The following KLHL1 variants were observed in gnomAD, a reference collection of about 807,000 sequenced individuals.
KLHL1 encodes the protein kelch like family member 1, also known as kelch-like protein 1.
KLHL1 carries 47 observed loss-of-function variants against 77.7 expected under a neutral mutation model. That is an observed-to-expected ratio of 0.60 (90% CI 0.48 to 0.77). The LOEUF (loss-of-function observed/expected upper bound fraction) is 0.77. KLHL1 is among the 30% of genes least tolerant of loss of function. The pLI is 0.00. For missense variants in KLHL1, 925 were observed against 910.8 expected, an observed-to-expected ratio of 1.02 and a Z score of -0.20; for synonymous variants, 360 against 325.2, an observed-to-expected ratio of 1.11 and a Z score of -1.15.
chr13:69,771,281 A>G (rs569916596), intron 7 of KLHL1, among the ~76,000 whole-genome samples: 17,480 of 151,674 alleles, frequency 0.12, 1,181 homozygotes, highest in African/African-American at 0.19. Context: ...ACTTTCAAAA[A>G]AAAAAAAAAA....
chr13:70,004,521 C>CT (rs1300449136), intron 1 of KLHL1, among the ~76,000 whole-genome samples: 1 of 85,234 alleles, frequency 1.2e-5, no homozygotes, highest in Non-Finnish European at 3.4e-5. Flanking sequence ...CCTGCCATCC[C>CT]CCTGACTAGT....
At chr13:69,890,832 G>T (rs76767566) in intron 4 of KLHL1, among the ~76,000 whole-genome samples, 3,193 of 152,034 alleles carry the variant, frequency 0.021, 107 homozygotes, top group African/African-American at 0.072. Flanking sequence ...CTTTAGAAAT[G>T]ATAAAACAAC....
chr13:69,877,727 T>G (rs527482590), intron 5 of KLHL1, among the ~76,000 whole-genome samples: 4 of 152,152 alleles, frequency 2.6e-5, no homozygotes, highest in Non-Finnish European at 5.9e-5. Context: ...GTTATTATAT[T>G]TCAATAGAGG....
intron 7 of KLHL1, among the ~76,000 whole-genome samples, chr13:69,768,913 T>C (rs570556774): frequency 3.9e-4 from 60 of 152,306 alleles, no homozygotes; most frequent in African/African-American, 1.4e-3. Flanking sequence ...CGATTTATGA[T>C]TTTATACCAT....
At chr13:70,061,558 T>C (rs1271450470) in intron 1 of KLHL1, among the ~76,000 whole-genome samples, 2 of 152,170 alleles carry the variant, frequency 1.3e-5, no homozygotes, top group African/African-American at 4.8e-5. Context: ...CCTGAGTTAG[T>C]AGCCTTAAGT....
intron 9 of KLHL1, among the ~76,000 whole-genome samples, chr13:69,718,786 C>G (rs571406823): frequency 6.6e-6 from 1 of 152,040 alleles, no homozygotes; most frequent in Non-Finnish European, 1.5e-5. Flanking sequence ...CTTCTATGCA[C>G]CTGGTCAATT....
intron 7 of KLHL1, among the ~76,000 whole-genome samples, chr13:69,749,024 C>T (rs1301592101): frequency 6.6e-6 from 1 of 152,002 alleles, no homozygotes; most frequent in Non-Finnish European, 1.5e-5. Context: ...TATGCTTCCA[C>T]ATTATAAAGG....
intron 3 of KLHL1, among the ~76,000 whole-genome samples, chr13:69,949,302 T>C (rs148701801): frequency 0.01 from 1,551 of 151,886 alleles, 25 homozygotes; most frequent in African/African-American, 0.034. Context: ...AACTCTAGGC[T>C]GCGGAAGTTT....
At chr13:69,982,336 T>A (rs1481729215) in intron 1 of KLHL1, among the ~76,000 whole-genome samples, 2 of 151,192 alleles carry the variant, frequency 1.3e-5, no homozygotes, top group Admixed American at 1.3e-4. Flanking sequence ...ATTGGGAGAC[T>A]GAGACAGGAG....
At chr13:69,910,015 A>G (rs928631863) in intron 4 of KLHL1, among the ~76,000 whole-genome samples, 1 of 152,086 alleles carries the variant, frequency 6.6e-6, no homozygotes, top group African/African-American at 2.4e-5. Context: ...AGAAAAAAAT[A>G]ATTGTCATAT....
intron 3 of KLHL1, among the ~76,000 whole-genome samples, chr13:69,944,404 A>G (rs1464061311): frequency 6.6e-6 from 1 of 152,222 alleles, no homozygotes; most frequent in Non-Finnish European, 1.5e-5. Flanking sequence ...TTCGCCCCAT[A>G]GGTAGTTTAC....
At chr13:69,837,731 A>G (rs1879084777) in intron 6 of KLHL1, among the ~76,000 whole-genome samples, 1 of 149,336 alleles carries the variant, frequency 6.7e-6, no homozygotes, top group Non-Finnish European at 1.5e-5. Flanking sequence ...GTAAACATCA[A>G]AATCACCATC....
chr13:69,997,691 T>TATAA (rs1555289163), intron 1 of KLHL1, among the ~76,000 whole-genome samples: 3 of 147,438 alleles, frequency 2.0e-5, no homozygotes, highest in Non-Finnish European at 4.5e-5. Flanking sequence ...CTTATATATA[T>TATAA]AATATAAATA....
intron 7 of KLHL1, among the ~76,000 whole-genome samples, chr13:69,757,615 G>A (rs997188502): frequency 4.6e-5 from 7 of 152,124 alleles, no homozygotes; most frequent in Admixed American, 2.0e-4. Flanking sequence ...TTGATTTGGG[G>A]ATGGCTGTCA....
chr13:69,784,948 G>C (rs1487570091), intron 7 of KLHL1, among the ~76,000 whole-genome samples: 1 of 139,510 alleles, frequency 7.2e-6, no homozygotes, highest in Non-Finnish European at 1.5e-5. Context: ...GGAGTGCAGT[G>C]GTGGGATCTC....
At chr13:70,086,281 CA>C (rs71707367) in intron 1 of KLHL1, among the ~76,000 whole-genome samples, 39 of 145,562 alleles carry the variant, frequency 2.7e-4, no homozygotes, top group East Asian at 6.1e-4. Context: ...TAAAAAGTTT[CA>C]AAAAAAAAAA....
At chr13:70,049,592 T>C (rs769236321) in intron 1 of KLHL1, among the ~76,000 whole-genome samples, 16 of 152,208 alleles carry the variant, frequency 1.1e-4, no homozygotes, top group Non-Finnish European at 1.9e-4. Context: ...ATATAGGCTA[T>C]GTCCTATAAA....
intron 4 of KLHL1, among the ~76,000 whole-genome samples, chr13:69,886,496 A>T (rs1881225395): frequency 6.6e-6 from 1 of 151,352 alleles, no homozygotes; most frequent in Non-Finnish European, 1.5e-5. Flanking sequence ...TGTTAATAAT[A>T]TATATATAAA....
At chr13:69,865,751 T>C (rs1014933366) in intron 5 of KLHL1, among the ~76,000 whole-genome samples, 1 of 152,100 alleles carries the variant, frequency 6.6e-6, no homozygotes, top group African/African-American at 2.4e-5. Context: ...AAAACCTTTA[T>C]TTAAAGAGGA....
Sources: allele counts gnomAD v4.1 joint callset (sites outside exome capture counted in the v4.1 genomes callset), GRCh38; gene constraint gnomAD v4.1.1; transcripts MANE v1.5; gene names NCBI Gene and HGNC (gene_info 2026-07-23, HGNC 2026-07-21).